WWOX: variants seen among roughly 807,000 people sequenced by gnomAD.
The protein encoded by WWOX is WW domain containing oxidoreductase, also known as WW domain-containing oxidoreductase.
In WWOX, 69 loss-of-function variants were observed where a neutral mutation model predicts 46.2. The ratio of observed to expected loss-of-function variants is 1.49; its 90% CI spans 1.23 to 1.82. WWOX has a LOEUF of 1.82. Ranked by LOEUF, WWOX falls within the 40% of genes most tolerant of loss-of-function variation. The probability of loss-of-function intolerance (pLI) is 0.00; values close to 1 mark genes in which losing one functional copy is unlikely to be tolerated. For synonymous variants in WWOX, 359 were observed against 202.6 expected (o/e 1.77, Z -6.56); for missense variants, 919 against 542.6 (o/e 1.69, Z -6.89).
intron 1 of WWOX, chr16:78,100,128 A>C: frequency 1.5e-6 from 2 of 1,341,986 alleles, no homozygotes; most frequent in Non-Finnish European, 1.9e-6. Context: ...TTCAGGATGC[A>C]GCACTGCGCG....
At chr16:78,240,234 C>T (rs1167290596) in intron 5 of WWOX, among the ~76,000 whole-genome samples, 3 of 152,150 alleles carry the variant, frequency 2.0e-5, no homozygotes, top group East Asian at 3.9e-4. Flanking sequence ...ATCCCAGCTA[C>T]TCGGGAGGCT....
intron 8 of WWOX, among the ~76,000 whole-genome samples, chr16:78,818,439 C>T (rs962860410): frequency 2.6e-5 from 4 of 152,198 alleles, no homozygotes; most frequent in Non-Finnish European, 4.4e-5. Context: ...CAAGGCAGGC[C>T]CAGTTTTGAG....
intron 8 of WWOX, among the ~76,000 whole-genome samples, chr16:78,510,200 T>C (rs2085328185): frequency 1.3e-5 from 2 of 152,206 alleles, no homozygotes; most frequent in African/African-American, 4.8e-5. Flanking sequence ...TCTGTCTTTA[T>C]TGTTTCACTT....
intron 8 of WWOX, among the ~76,000 whole-genome samples, chr16:78,849,506 G>C (rs1008881129): frequency 6.7e-6 from 1 of 149,520 alleles, no homozygotes; most frequent in Non-Finnish European, 1.5e-5. Context: ...CCCGGGAGGC[G>C]GAGCTTGCAG....
chr16:78,690,354 T>C (rs4888824), intron 8 of WWOX, among the ~76,000 whole-genome samples: 53,779 of 152,010 alleles, frequency 0.35, 10,210 homozygotes, highest in South Asian at 0.41. Flanking sequence ...TGTTCAAGAC[T>C]GCCCTGGGCA....
intron 8 of WWOX, among the ~76,000 whole-genome samples, chr16:78,499,467 C>G (rs547286152): frequency 6.6e-6 from 1 of 152,224 alleles, no homozygotes; most frequent in East Asian, 1.9e-4. Flanking sequence ...TCTAAGTGGT[C>G]AGGTGGGACT....
intron 8 of WWOX, among the ~76,000 whole-genome samples, chr16:78,465,973 G>A (rs938826176): frequency 6.6e-6 from 1 of 152,130 alleles, no homozygotes; most frequent in South Asian, 2.1e-4. Context: ...GGTGGTTTCT[G>A]GGGCGGCGGG....
chr16:78,940,361 G>C (rs1567663682), intron 8 of WWOX, among the ~76,000 whole-genome samples: 1 of 152,268 alleles, frequency 6.6e-6, no homozygotes, highest in Non-Finnish European at 1.5e-5. Flanking sequence ...CAAAACAGTG[G>C]TAGATTTTTA....
intron 8 of WWOX, among the ~76,000 whole-genome samples, chr16:78,923,794 G>GTTTTTTTTTTTTTTTTTTT (rs56852814): frequency 2.0e-5 from 2 of 102,166 alleles, no homozygotes; most frequent in African/African-American, 4.5e-5. Flanking sequence ...TTTTTAGTTA[G>GTTTTTTTTTTTTTTTTTTT]TTTTTTTTTT....
At chr16:79,185,467 A>G (rs1475621179) in intron 8 of WWOX, among the ~76,000 whole-genome samples, 1 of 149,166 alleles carries the variant, frequency 6.7e-6, no homozygotes, top group East Asian at 2.0e-4. Context: ...ACTTTTGGAC[A>G]TATTACTTGT....
At chr16:78,479,873 C>T (rs115098644) in intron 8 of WWOX, among the ~76,000 whole-genome samples, 14 of 152,194 alleles carry the variant, frequency 9.2e-5, no homozygotes, top group Middle Eastern at 3.4e-3. Context: ...GTTGACCCAG[C>T]GGGGCTGCAT....
chr16:78,903,176 T>G (rs6564619), intron 8 of WWOX, among the ~76,000 whole-genome samples: 150,507 of 152,296 alleles, frequency 0.99, 74,381 homozygotes, highest in Middle Eastern at 1. Context: ...ACTCCCTAGA[T>G]GTTTCCCATT....
chr16:78,826,620 T>C (rs576990158), intron 8 of WWOX, among the ~76,000 whole-genome samples: 1 of 152,300 alleles, frequency 6.6e-6, no homozygotes, highest in South Asian at 2.1e-4. Flanking sequence ...GTTTTTGGAT[T>C]TAGGGTCTTC....
intron 8 of WWOX, among the ~76,000 whole-genome samples, chr16:78,448,109 A>C (rs549517592): frequency 6.6e-6 from 1 of 152,176 alleles, no homozygotes; most frequent in African/African-American, 2.4e-5. Context: ...TGGCCTAGAA[A>C]CTATTATTAA....
intron 8 of WWOX, among the ~76,000 whole-genome samples, chr16:78,691,812 G>T (rs991468936): frequency 6.6e-6 from 1 of 152,194 alleles, no homozygotes; most frequent in African/African-American, 2.4e-5. Flanking sequence ...GATATGGTTT[G>T]GATGTGTCCC....
chr16:78,908,238 G>A (rs1015461245), intron 8 of WWOX, among the ~76,000 whole-genome samples: 4 of 152,040 alleles, frequency 2.6e-5, no homozygotes, highest in African/African-American at 9.7e-5. Flanking sequence ...CAGGGGGATT[G>A]CCATAAAGAA....
intron 8 of WWOX, among the ~76,000 whole-genome samples, chr16:78,482,448 C>G (rs2084518466): frequency 6.6e-6 from 1 of 152,142 alleles, no homozygotes; most frequent in South Asian, 2.1e-4. Flanking sequence ...GCCTCGAACT[C>G]CTCACTTCAG....
intron 8 of WWOX, among the ~76,000 whole-genome samples, chr16:78,883,862 T>C (rs1382202682): frequency 6.6e-6 from 1 of 152,214 alleles, no homozygotes; most frequent in Non-Finnish European, 1.5e-5. Context: ...ACTAATATTC[T>C]AAACTAAAAA....
At chr16:78,293,828 T>C (rs1458055515) in intron 5 of WWOX, among the ~76,000 whole-genome samples, 2 of 151,470 alleles carry the variant, frequency 1.3e-5, no homozygotes, top group East Asian at 1.9e-4. Flanking sequence ...ATACAAAAAT[T>C]AGCCAGGTGT....
Sources: gnomAD v4.1 joint callset for allele counts (sites outside exome capture counted in the v4.1 genomes callset) on GRCh38, gnomAD v4.1.1 for gene constraint, MANE v1.5 for transcripts, NCBI Gene and HGNC (gene_info 2026-07-23, HGNC 2026-07-21) for gene names.